Variants in SLC13A2 observed in about 807,000 individuals in gnomAD.
SLC13A2 encodes solute carrier family 13 member 2.
In SLC13A2, 40 loss-of-function variants were observed where a neutral mutation model predicts 58.5. The ratio of observed to expected loss-of-function variants is 0.68; its 90% CI spans 0.53 to 0.89. The LOEUF is 0.89. SLC13A2 is among the 40% of genes least tolerant of loss of function. The probability of loss-of-function intolerance (pLI) is 0.00; values close to 1 mark genes in which losing one functional copy is unlikely to be tolerated. For synonymous variants in SLC13A2, 341 were observed against 331.6 expected, an observed-to-expected ratio of 1.03 and a Z score of -0.31; for missense variants, 694 against 772.6, an observed-to-expected ratio of 0.90 and a Z score of 1.21.
chr17:28,489,068 C>T (rs1334502925), intron 1 of SLC13A2, 146 bp from the exon 2 acceptor site: 2 of 908,646 alleles, frequency 2.2e-6, no homozygotes, highest in East Asian at 2.5e-5. Flanking sequence ...TGAAATGAGA[C>T]CTTGGGCTTG....
intron 1 of SLC13A2, 84 bp downstream of exon 1, chr17:28,473,898 C>G (rs1176782560): frequency 8.8e-7 from 1 of 1,139,116 alleles, no homozygotes; most frequent in Non-Finnish European, 1.3e-6. Context: ...TCCTTAGGAT[C>G]CAGCATAACT....
intron 1 of SLC13A2, 93 bp downstream of exon 1, chr17:28,473,907 C>A: frequency 1.0e-6 from 1 of 1,002,880 alleles, no homozygotes; most frequent in Non-Finnish European, 1.5e-6. Context: ...TCCAGCATAA[C>A]TTCCTCACTG....
At chr17:28,487,600 G>C in intron 1 of SLC13A2, 3 of 985,316 alleles carry the variant, frequency 3.0e-6, no homozygotes, top group Non-Finnish European at 3.6e-6. Context: ...AGAGTTCTGG[G>C]TGGACAGGGT....
At chr17:28,491,412 C>G in intron 4 of SLC13A2, 25 bp from the exon 5 acceptor site, 2 of 1,611,888 alleles carry the variant, frequency 1.2e-6, no homozygotes, top group Non-Finnish European at 8.5e-7. Flanking sequence ...TACCTGCCCC[C>G]ACCTGGGCTC....
rs1555603262 is a variant in SLC13A2 at position 28,490,923 on chromosome 17, T to C, written c.574+17T>C. 6.2e-7 allele frequency: 1 copy of C among 1,600,720 alleles called. No individual in the cohort carries two copies. Among genetic ancestry groups the C allele is most frequent in the Non-Finnish European group, 8.5e-7 (1 of 1,172,938 alleles). Reference sequence around the variant, plus strand: ...CCAAGCTTGGTGAGAAAAATGAGGCTAGACTCTGCCCCAACCCCTTGGTTC... The same window carrying C: ...CCAAGCTTGGTGAGAAAAATGAGGCCAGACTCTGCCCCAACCCCTTGGTTC... On this transcript the variant is annotated intron_variant, in intron 4 of 11. Coordinates refer to ENST00000314669, the MANE Select transcript of SLC13A2 (RefSeq NM_003984.4).
chr17:28,484,946 G>A (rs536898063), intron 1 of SLC13A2, among the ~76,000 whole-genome samples: 1 of 152,162 alleles, frequency 6.6e-6, no homozygotes, highest in African/African-American at 2.4e-5. Flanking sequence ...TTCCTTGGGG[G>A]TGGGGGTGAC....
intron 10 of SLC13A2, 59 bp downstream of exon 10, chr17:28,495,875 G>T (rs967060045): frequency 2.5e-6 from 4 of 1,569,952 alleles, no homozygotes; most frequent in African/African-American, 1.3e-5. Flanking sequence ...CCCACCAGGG[G>T]TTCTGCCTGC....
intron 1 of SLC13A2, among the ~76,000 whole-genome samples, chr17:28,480,153 CAA>C (rs782701132): frequency 8.1e-4 from 102 of 125,346 alleles, no homozygotes; most frequent in Non-Finnish European, 8.1e-4. Context: ...GACTCTGTCT[CAA>C]AAAAAAAAAA....
In SLC13A2 at chr17:28,497,531, AG is replaced by A; in HGVS notation, c.*268del. ...GGGGTGTGTGACGTGAGGCTATCTG[AG>A]GGGGGCTGTGTGCATGCACATGATC... On this transcript the variant is annotated 3_prime_UTR_variant, in exon 12 of 12. Transcript: ENST00000314669. The A allele has an allele frequency of 1.9e-6, 1 of 515,030 alleles. No homozygotes were observed. The highest frequency in any genetic ancestry group is 3.5e-6 in the Non-Finnish European group (1 of 287,632). 31.9% of individuals were successfully genotyped at this position (515,030 alleles called of 1,614,324 possible).
intron 1 of SLC13A2, among the ~76,000 whole-genome samples, chr17:28,477,118 C>T: frequency 6.6e-6 from 1 of 151,524 alleles, no homozygotes; most frequent in East Asian, 2.0e-4. Flanking sequence ...TGAGATCACG[C>T]CATTGCACTC....
rs200761343 is a variant in SLC13A2 at position 28,491,461 on chromosome 17, C to G, written c.599C>G (p.Thr200Arg). The change falls in exon 5 of 12, where the codon ACG becomes AGG. Residue 200 changes from threonine (T) to arginine (R), a missense_variant. Transcript: ENST00000314669. ...KLDNGQALPV[T>R]SASSEGRAHL... ...GATAATGGGCAGGCCCTCCCTGTCA[C>G]GTCTGCCTCTTCGGAGGGGAGGGCA... 8.1e-6 allele frequency: 13 copies of G among 1,613,710 alleles called. No homozygotes were observed. Among genetic ancestry groups the G allele is most frequent in the Non-Finnish European group, 1.0e-5 (12 of 1,180,034 alleles).
In SLC13A2 at chr17:28,496,838, G is replaced by A. The variant is rs2069153412; in HGVS notation, c.1608+251G>A. ...CATGGGGAAGGCTCCAAGGTGCCAG[G>A]CACCCACACTCAGGGAGATGAGCTC... On this transcript the variant is annotated intron_variant, in intron 11 of 11. Transcript: ENST00000314669. This position sits in a 1 kb window ranked among gnomAD's most constrained non-coding sequence, Gnocchi z 4.2. Among the ~76,000 whole-genome samples the A allele has an allele frequency of 6.6e-6, 1 of 152,198 alleles. No individual in the cohort carries two copies. The highest frequency in any genetic ancestry group is 1.5e-5 in the Non-Finnish European group (1 of 68,038).
At position 28,497,335 on chromosome 17, in the gene SLC13A2, G is replaced by C; in HGVS notation, c.*66G>C. On this transcript the variant is annotated 3_prime_UTR_variant, in exon 12 of 12. Coordinates refer to ENST00000314669, the MANE Select transcript of SLC13A2 (RefSeq NM_003984.4). ...ATTCCCACTCCTCTGAGCCCGGAGG[G>C]GACACCCCAAGCTCCAAGCTCCAAG... 1 of 1,538,290 alleles carries C rather than the reference G, an allele frequency of 6.5e-7. No individual in the cohort carries two copies. Among genetic ancestry groups the C allele is most frequent in the Admixed American group, 1.9e-5 (1 of 53,212 alleles).
intron 4 of SLC13A2, 29 bp from the exon 5 acceptor site, chr17:28,491,408 C>T: frequency 6.2e-7 from 1 of 1,610,656 alleles, no homozygotes; most frequent in Non-Finnish European, 8.5e-7. Flanking sequence ...CCTGTACCTG[C>T]CCCCACCTGG....
intron 1 of SLC13A2, among the ~76,000 whole-genome samples, chr17:28,476,524 C>A (rs1426672784): frequency 6.6e-6 from 1 of 152,136 alleles, no homozygotes; most frequent in East Asian, 1.9e-4. Flanking sequence ...GGCTCCCTCC[C>A]CCTGTGACCC....
At position 28,496,329 on chromosome 17, in the gene SLC13A2, G is replaced by T; in HGVS notation, c.1471-121G>T. 7.6e-7 allele frequency: 1 copy of T among 1,317,786 alleles called. No homozygotes were observed. The highest frequency in any genetic ancestry group is 1.7e-5 in the South Asian group (1 of 60,472). The allele number at this position is 1,317,786 out of a possible 1,614,324, so 81.6% of individuals were successfully genotyped here. On this transcript the variant is annotated intron_variant, in intron 10 of 11. Coordinates refer to ENST00000314669, the MANE Select transcript of SLC13A2 (RefSeq NM_003984.4). This position sits in a 1 kb window ranked among gnomAD's most constrained non-coding sequence, Gnocchi z 4.2. ...CTTCTGGGAGAAGAGGTGGGCTCAT[G>T]ACCAGAGAGTGTATTAGGGTACAGG...
chr17:28,491,928 G>A, intron 6 of SLC13A2, 76 bp downstream of exon 6: 26 of 1,546,790 alleles, frequency 1.7e-5, no homozygotes, highest in Non-Finnish European at 2.2e-5. Flanking sequence ...GTGCAGATGT[G>A]GAAAATGATA....
chr17:28,487,051 G>A (rs2068895916), intron 1 of SLC13A2, among the ~76,000 whole-genome samples: 1 of 152,184 alleles, frequency 6.6e-6, no homozygotes, highest in Non-Finnish European at 1.5e-5. Context: ...GCCCCCCACG[G>A]CCTCCCAGAG....
At chr17:28,488,667 G>C (rs1555602465) in intron 1 of SLC13A2, among the ~76,000 whole-genome samples, 38 of 152,202 alleles carry the variant, frequency 2.5e-4, no homozygotes. Flanking sequence ...AATGTAAATT[G>C]CTCCTCTGGA....
Sources: gnomAD v4.1 joint callset for allele counts (sites outside exome capture counted in the v4.1 genomes callset) on GRCh38, gnomAD v4.1.1 for gene constraint, Gnocchi (gnomAD v3.1) non-coding constraint, MANE v1.5 for transcripts, NCBI Gene and HGNC (gene_info 2026-07-23, HGNC 2026-07-21) for gene names.